OS9: variants seen among roughly 807,000 people sequenced by gnomAD.
OS9 encodes OS9 endoplasmic reticulum lectin.
In OS9, 58 loss-of-function variants were observed where a neutral mutation model predicts 84.7. The ratio of observed to expected loss-of-function variants is 0.68; its 90% CI spans 0.55 to 0.85. The LOEUF (loss-of-function observed/expected upper bound fraction) is 0.85, where lower values mean the gene tolerates loss of function less well. Among genes scored for constraint, OS9 ranks in the 40% least tolerant of loss-of-function variants. The pLI, the probability that OS9 is intolerant of heterozygous loss-of-function variation, is 0.00. For synonymous variants in OS9, 278 were observed against 320.8 expected (o/e 0.87, Z 1.43); for missense variants, 760 against 850.9 (o/e 0.89, Z 1.33).
At chr12:57,717,286 T>C (rs1212264544) in intron 9 of OS9, among the ~76,000 whole-genome samples, 1 of 152,208 alleles carries the variant, frequency 6.6e-6, no homozygotes, top group African/African-American at 2.4e-5. Context: ...GGCGAATATT[T>C]GCCCTTGTCT....
chr12:57,716,817 C>A, intron 9 of OS9, 73 bp downstream of exon 9: 1 of 1,401,266 alleles, frequency 7.1e-7, no homozygotes, highest in Non-Finnish European at 1.0e-6. Flanking sequence ...GAGGGGAGAG[C>A]TAAGCCTGGG....
At chr12:57,696,150 T>C in intron 4 of OS9, 112 bp downstream of exon 4, 1 of 1,221,700 alleles carries the variant, frequency 8.2e-7, no homozygotes, top group Non-Finnish European at 1.2e-6. Flanking sequence ...TTGGTGGCCA[T>C]TAGGACAAAG....
chr12:57,696,263 T>TG lies in OS9; in HGVS notation c.481-11dup. On this transcript the variant is annotated splice_polypyrimidine_tract_variant and intron_variant, in intron 4 of 14. Transcript: ENST00000315970. ...TCTCATGTCCCCCATTCCTGCCTCA[T>TG]GTCTTCTCCAGGCCTCCAAGCAGCA... 1 of 1,598,026 alleles carries TG rather than the reference T, an allele frequency of 6.3e-7. No individual in the cohort carries two copies. The highest frequency in any genetic ancestry group is 1.1e-5 in the South Asian group (1 of 90,148).
At chr12:57,714,215 G>A (rs1010163156) in intron 5 of OS9, among the ~76,000 whole-genome samples, 12 of 152,134 alleles carry the variant, frequency 7.9e-5, no homozygotes, top group African/African-American at 2.9e-4. Flanking sequence ...TTGTTTGTTT[G>A]TTTGTATTGA....
At position 57,696,465 on chromosome 12, in the gene OS9, G is replaced by A. The variant is rs896665738; in HGVS notation, c.579+92G>A. 20 of 529,742 alleles carry A rather than the reference G, an allele frequency of 3.8e-5. 5 individuals carry two copies. Among genetic ancestry groups the A allele is most frequent in the Admixed American group, 2.7e-4 (9 of 32,908 alleles). 32.8% of individuals were successfully genotyped at this position (529,742 alleles called of 1,614,324 possible). On this transcript the variant is annotated intron_variant, in intron 5 of 14. Transcript: ENST00000315970. ...GCATCTTATAGTCGGGGCGGGGGCG[G>A]GGGGGGTCCCCTCCCAGACCCTAAA...
At position 57,718,510 on chromosome 12, in the gene OS9, C is replaced by A. The variant is rs117329279; in HGVS notation, c.1410+89C>A. 528 of 1,398,672 alleles carry A rather than the reference C, an allele frequency of 3.8e-4. 5 individuals are homozygous for A. In the East Asian group the frequency reaches 0.011, roughly 30 times the overall value. 86.6% of individuals were successfully genotyped at this position (1,398,672 alleles called of 1,614,324 possible). On this transcript the variant is annotated intron_variant, in intron 11 of 14. Coordinates refer to ENST00000315970, the MANE Select transcript of OS9 (RefSeq NM_006812.4). ...GACGGGCTAAAAGAAACAGAGGGCA[C>A]AGCACAGGGCAAGGACGGGGCACTT...
In OS9 at chr12:57,713,982, C is replaced by T. The variant is rs573557174; in HGVS notation, c.580-1778C>T. On this transcript the variant is annotated intron_variant, in intron 5 of 14. Transcript: ENST00000315970. ...AAAATTAGTTGGATATGGTGGCACA[C>T]ACCTGTAGTCCTACCTTGGGAGGTT... Among the ~76,000 whole-genome samples, 9 of 152,090 alleles carry T rather than the reference C, an allele frequency of 5.9e-5. No individual in the cohort carries two copies. In the South Asian group the frequency reaches 8.3e-4, roughly 14 times the overall value.
intron 5 of OS9, among the ~76,000 whole-genome samples, chr12:57,711,480 G>A (rs1437291044): frequency 6.6e-6 from 1 of 151,114 alleles, no homozygotes; most frequent in East Asian, 1.9e-4. Flanking sequence ...CCGAGTAGCT[G>A]GGACTACAGG....
chr12:57,713,862 C>T (rs1954403285), intron 5 of OS9, among the ~76,000 whole-genome samples: 1 of 151,992 alleles, frequency 6.6e-6, no homozygotes, highest in Admixed American at 6.6e-5. Flanking sequence ...TGGTGGCTCA[C>T]ACCTGTAATA....
In OS9 at chr12:57,721,180, A is replaced by T. The variant is rs1181191517; in HGVS notation, c.*271A>T. ...CCTCTCCTCTGTGGCTTTTCCTGTT[A>T]TTGTCCCCTAATGATAGGATATTCC... is the stretch of plus-strand genomic sequence containing the variant. On this transcript the variant is annotated 3_prime_UTR_variant, in exon 15 of 15. Transcript: ENST00000315970. 7 of 394,830 alleles carry T rather than the reference A, an allele frequency of 1.8e-5. No individual in the cohort carries two copies. Among genetic ancestry groups the T allele is most frequent in the Non-Finnish European group, 3.3e-5 (7 of 212,360 alleles). The allele number at this position is 394,830 out of a possible 1,614,324, so 24.5% of individuals were successfully genotyped here. A position where few individuals can be genotyped will look rare whatever the true frequency, so the allele number is the denominator to read the frequency against.
At chr12:57,701,698 G>GT (rs1367887617) in intron 5 of OS9, among the ~76,000 whole-genome samples, 1 of 152,192 alleles carries the variant, frequency 6.6e-6, no homozygotes, top group Non-Finnish European at 1.5e-5. Flanking sequence ...AGGTCTTATT[G>GT]TGAGTGTACA....
At chr12:57,708,009 C>G (rs567360720) in intron 5 of OS9, among the ~76,000 whole-genome samples, 1 of 151,724 alleles carries the variant, frequency 6.6e-6, no homozygotes, top group East Asian at 2.0e-4. Context: ...GGGAGGATCT[C>G]TTCAACCCAG....
chr12:57,717,400 A>C (rs1954530704), intron 9 of OS9, among the ~76,000 whole-genome samples: 1 of 152,252 alleles, frequency 6.6e-6, no homozygotes, highest in African/African-American at 2.4e-5. Flanking sequence ...GCAGTAGCGC[A>C]CACCTGTAAT....
chr12:57,716,623 C>G lies in OS9; in HGVS notation c.994-70C>G. On this transcript the variant is annotated intron_variant, in intron 8 of 14. Transcript: ENST00000315970. ...TAGGGATGCAAGGATATCCCCAGAA[C>G]CTTTGCCTTCATAGTATGGAGGGCA... 1.9e-6 allele frequency: 3 copies of G among 1,542,252 alleles called. No homozygotes were observed. The South Asian group carries it at 3.3e-5, about 17-fold the overall frequency.
In OS9 at chr12:57,715,939, G is replaced by A; in HGVS notation, c.759G>A (p.Glu253=). ...AILCHPSLQP[E]EYMAYVQRQA... ...TCTGTCACCCTTCCCTACAGCCTGA[G>A]GAGTACATGGCCTACGTTCAGAGGC... The change falls in exon 6 of 15, where the codon GAG becomes GAA. Residue 253 remains glutamate, a synonymous_variant. Coordinates refer to ENST00000315970, the MANE Select transcript of OS9 (RefSeq NM_006812.4). 1 of 1,613,164 alleles carries A rather than the reference G, an allele frequency of 6.2e-7. No homozygotes were observed. The highest frequency in any genetic ancestry group is 8.5e-7 in the Non-Finnish European group (1 of 1,179,572).
intron 4 of OS9, 101 bp downstream of exon 4, chr12:57,696,139 C>A: frequency 2.4e-6 from 3 of 1,225,494 alleles, no homozygotes; most frequent in Non-Finnish European, 3.6e-6. Context: ...TTTCTTGGGG[C>A]TTGGTGGCCA....
chr12:57,713,148 T>G (rs1438108572), intron 5 of OS9, among the ~76,000 whole-genome samples: 3 of 152,186 alleles, frequency 2.0e-5, no homozygotes, highest in Admixed American at 1.3e-4. Context: ...GTTGCTATCA[T>G]GGAGCAATCA....
chr12:57,695,973 A>G lies in OS9; in HGVS notation c.415A>G (p.Lys139Glu). Residue 139 changes from lysine to glutamate, a missense_variant, in exon 4 of 15, where the codon AAA becomes GAA. Lys to Glu is a moderately conservative substitution (Grantham distance 56). Coordinates refer to ENST00000315970, the MANE Select transcript of OS9 (RefSeq NM_006812.4). ...GGCTTCCCTTGCAGATTCAGAGATCAAAGGTGAAGTCCTCTATCTCGGCTA... is the reference window on the plus strand; with the variant it reads ...GGCTTCCCTTGCAGATTCAGAGATCGAAGGTGAAGTCCTCTATCTCGGCTA... ...QQYHMEDSEI[K>E]GEVLYLGYYQ... 1 of 1,612,976 alleles carries G rather than the reference A, an allele frequency of 6.2e-7. No homozygotes were observed. The highest frequency in any genetic ancestry group is 8.5e-7 in the Non-Finnish European group (1 of 1,178,912).
In OS9 at chr12:57,694,808, G is replaced by T. The variant is rs776555075; in HGVS notation, c.221G>T (p.Arg74Leu). The change falls in exon 2 of 15, where the codon CGC becomes CTC. Residue 74 changes from arginine to leucine, a missense_variant. Transcript: ENST00000315970. Reference protein sequence around the residue: ...SSKYKQRYECRLPAGAIHFQR... With the variant: ...SSKYKQRYECLLPAGAIHFQR... ...AAGTACAAACAGCGCTATGAGTGTC[G>T]CCTGCCAGCTGGAGCTATTCACTTC... 6.2e-7 allele frequency: 1 copy of T among 1,614,058 alleles called. No individual in the cohort carries two copies. The highest frequency in any genetic ancestry group is 1.1e-5 in the South Asian group (1 of 91,082).
Sources: allele counts gnomAD v4.1 joint callset (sites outside exome capture counted in the v4.1 genomes callset), GRCh38; gene constraint gnomAD v4.1.1; transcripts MANE v1.5; gene names NCBI Gene and HGNC (gene_info 2026-07-23, HGNC 2026-07-21).